The following LDLRAD3 variants were observed in gnomAD, a reference collection of about 807,000 sequenced individuals.
LDLRAD3 encodes the protein low-density lipoprotein receptor class A domain-containing protein 3.
In LDLRAD3, 20 loss-of-function variants were observed where a neutral mutation model predicts 29.4. The observed-to-expected ratio is 0.68, with a 90% CI of 0.48 to 0.99. LDLRAD3 has a LOEUF of 0.99. Ranked by LOEUF, LDLRAD3 falls within the 50% of genes least tolerant of loss-of-function variation. LDLRAD3 has a pLI of 0.00. For synonymous variants in LDLRAD3, 157 were observed against 192.7 expected (o/e 0.81, Z 1.53); for missense variants, 420 against 454.3 (o/e 0.92, Z 0.69).
intron 4 of LDLRAD3, among the ~76,000 whole-genome samples, chr11:36,188,527 G>A (rs1378286515): frequency 2.6e-5 from 4 of 152,066 alleles, no homozygotes; most frequent in Non-Finnish European, 5.9e-5. Context: ...CTGGGAATTG[G>A]CAACTTGAGA....
At position 36,191,576 on chromosome 11, in the gene LDLRAD3, C is replaced by CTCTATA. The variant is rs377747518; in HGVS notation, c.455-35508_455-35507insCTATAT. The stretch of plus-strand genomic sequence containing the variant: ...TCTCTCTCTCTCTCTCTCTCTCTCT[C>CTCTATA]TATATATATATATATATATATATAC... On this transcript the variant is annotated intron_variant, in intron 4 of 5. Coordinates refer to ENST00000315571, the MANE Select transcript of LDLRAD3 (RefSeq NM_174902.4). Among the ~76,000 whole-genome samples, 287 of 53,320 alleles carry CTCTATA rather than the reference C, an allele frequency of 5.4e-3. 2 individuals carry two copies. The highest frequency in any genetic ancestry group is 6.3e-3 in the African/African-American group (76 of 12,092). The allele number at this position is 53,320 out of a possible 152,430, so 35.0% of individuals were successfully genotyped here. A position where few individuals can be genotyped will look rare whatever the true frequency, so the allele number is the denominator to read the frequency against.
chr11:36,170,068 G>T (rs1173249540), intron 4 of LDLRAD3, among the ~76,000 whole-genome samples: 1 of 151,522 alleles, frequency 6.6e-6, no homozygotes, highest in Non-Finnish European at 1.5e-5. Flanking sequence ...TCATTCTCAC[G>T]CCTTTGCCTC....
At chr11:36,186,430 A>G (rs1854850186) in intron 4 of LDLRAD3, among the ~76,000 whole-genome samples, 1 of 152,186 alleles carries the variant, frequency 6.6e-6, no homozygotes, top group African/African-American at 2.4e-5. Context: ...CCCATTTTGA[A>G]AGGGGAAATT....
Position 36,148,093 on chromosome 11 carries a change from A to G in LDLRAD3, c.454+49632A>G, listed in dbSNP as rs549742834. ...ACCATGTTGGCCAGGCTGGTCTTGA[A>G]CTCCTGACCTCAGTGATCTGCCCAC... On this transcript the variant is annotated intron_variant, in intron 4 of 5. Transcript: ENST00000315571. Among the ~76,000 whole-genome samples, 6 of 151,666 alleles carry G rather than the reference A, an allele frequency of 4.0e-5. No homozygotes were observed. In the East Asian group the frequency reaches 1.2e-3, roughly 30 times the overall value.
At chr11:36,046,506 G>T (rs1341842678) in intron 2 of LDLRAD3, among the ~76,000 whole-genome samples, 3 of 152,006 alleles carry the variant, frequency 2.0e-5, no homozygotes, top group African/African-American at 7.3e-5. Flanking sequence ...GTGTCTCTTT[G>T]CTTCTTTGTC....
In LDLRAD3 at chr11:36,062,768, A is replaced by C. The variant is rs113613513; in HGVS notation, c.194-18885A>C. The stretch of plus-strand genomic sequence containing the variant: ...CATGTGAAGAAGCACGTGTTTGCTT[A>C]CCCTTCCACCACGATTGTAAGTTTC... On this transcript the variant is annotated intron_variant, in intron 2 of 5. Transcript: ENST00000315571. Among the ~76,000 whole-genome samples, 826 of 152,210 alleles carry C rather than the reference A, an allele frequency of 5.4e-3. 12 individuals are homozygous for C. Among genetic ancestry groups the C allele is most frequent in the African/African-American group, 0.019 (790 of 41,516 alleles).
chr11:36,149,744 G>T (rs1854249668), intron 4 of LDLRAD3, among the ~76,000 whole-genome samples: 1 of 152,194 alleles, frequency 6.6e-6, no homozygotes, highest in South Asian at 2.1e-4. Flanking sequence ...GGGTATGAGG[G>T]CACTGAACAC....
chr11:36,179,957 C>T (rs923984791), intron 4 of LDLRAD3, among the ~76,000 whole-genome samples: 5 of 152,140 alleles, frequency 3.3e-5, no homozygotes, highest in African/African-American at 9.6e-5. Flanking sequence ...ATCACACCAC[C>T]GCACTCTAGC....
chr11:36,121,135 G>T (rs998491992), intron 4 of LDLRAD3, among the ~76,000 whole-genome samples: 1 of 152,006 alleles, frequency 6.6e-6, no homozygotes, highest in South Asian at 2.1e-4. Context: ...ATAACCATTC[G>T]TTGAATATGC....
chr11:35,951,400 T>C (rs1221074584), intron 1 of LDLRAD3, among the ~76,000 whole-genome samples: 2 of 152,194 alleles, frequency 1.3e-5, no homozygotes, highest in African/African-American at 2.4e-5. Context: ...TTTTGAGCCA[T>C]GTGAATGCGT....
intron 1 of LDLRAD3, among the ~76,000 whole-genome samples, chr11:35,991,457 C>T (rs903845003): frequency 6.6e-6 from 1 of 151,854 alleles, no homozygotes; most frequent in Non-Finnish European, 1.5e-5. Flanking sequence ...TGCGGCCAGC[C>T]AGGGAAGACA....
intron 1 of LDLRAD3, among the ~76,000 whole-genome samples, chr11:36,016,465 T>A (rs1852023489): frequency 6.6e-6 from 1 of 152,230 alleles, no homozygotes; most frequent in Non-Finnish European, 1.5e-5. Flanking sequence ...GACTGTTTCC[T>A]TTTGGGTTTT....
At position 36,229,613 on chromosome 11, in the gene LDLRAD3, A is replaced by ATGATAC; in HGVS notation, c.*216_*217insTGATAC. On this transcript the variant is annotated 3_prime_UTR_variant, in exon 6 of 6. Coordinates refer to ENST00000315571, the MANE Select transcript of LDLRAD3 (RefSeq NM_174902.4). ...TGATCTGTTGTGCGTCTTTTCTGTC[A>ATGATAC]GGTCACTCTTCCCTTGGGACCCGAG... 1 of 447,566 alleles carries ATGATAC rather than the reference A, an allele frequency of 2.2e-6. No individual in the cohort carries two copies. The highest frequency in any genetic ancestry group is 3.9e-6 in the Non-Finnish European group (1 of 253,848). 27.7% of individuals were successfully genotyped at this position (447,566 alleles called of 1,614,324 possible).
chr11:36,207,971 G>A (rs1488297249), intron 4 of LDLRAD3, among the ~76,000 whole-genome samples: 1 of 150,018 alleles, frequency 6.7e-6, no homozygotes, highest in African/African-American at 2.4e-5. Context: ...GAAAAGTTTG[G>A]AAATAGATAG....
At chr11:36,003,171 G>A (rs930664583) in intron 1 of LDLRAD3, among the ~76,000 whole-genome samples, 1 of 152,218 alleles carries the variant, frequency 6.6e-6, no homozygotes, top group African/African-American at 2.4e-5. Flanking sequence ...TGATCTGGCT[G>A]TGACAGGTCA....
At chr11:35,953,780 A>C (rs1321929701) in intron 1 of LDLRAD3, among the ~76,000 whole-genome samples, 1 of 152,230 alleles carries the variant, frequency 6.6e-6, no homozygotes, top group African/African-American at 2.4e-5. Context: ...ATTTCATCAG[A>C]GTTCAAGCTG....
intron 1 of LDLRAD3, among the ~76,000 whole-genome samples, chr11:36,026,913 G>A (rs1275529398): frequency 6.6e-6 from 1 of 152,194 alleles, no homozygotes; most frequent in Non-Finnish European, 1.5e-5. Context: ...TGAGCAACCA[G>A]CAGCCATTGG....
At chr11:36,226,209 A>G (rs548261312) in intron 4 of LDLRAD3, among the ~76,000 whole-genome samples, 18 of 152,276 alleles carry the variant, frequency 1.2e-4, no homozygotes, top group African/African-American at 4.3e-4. Context: ...AGCCCCAAGA[A>G]CTGGGCACTA....
chr11:36,113,585 G>T (rs1463014025), intron 4 of LDLRAD3, among the ~76,000 whole-genome samples: 1 of 151,932 alleles, frequency 6.6e-6, no homozygotes, highest in Non-Finnish European at 1.5e-5. Flanking sequence ...ACACCTAGCT[G>T]CAAGGGAGGC....
Sources: allele counts gnomAD v4.1 joint callset (sites outside exome capture counted in the v4.1 genomes callset), GRCh38; gene constraint gnomAD v4.1.1; transcripts MANE v1.5; gene names NCBI Gene and HGNC (gene_info 2026-07-23, HGNC 2026-07-21).